CNNM2: variants seen among roughly 807,000 people sequenced by gnomAD.
CNNM2 encodes the protein cyclin and CBS domain divalent metal cation transport mediator 2, also known as metal transporter CNNM2.
CNNM2 carries 12 observed loss-of-function variants against 66.9 expected under a neutral mutation model. The ratio of observed to expected loss-of-function variants is 0.18; its 90% CI spans 0.11 to 0.29. The LOEUF is 0.29. CNNM2 is among the 10% of genes least tolerant of loss of function. CNNM2 has a pLI of 1.00. For synonymous variants in CNNM2, 557 were observed against 501.8 expected (o/e 1.11, Z -1.47); for missense variants, 705 against 1,167.7 (o/e 0.60, Z 5.77).
chr10:102,954,270 G>A (rs1476676414), intron 1 of CNNM2, among the ~76,000 whole-genome samples: 5 of 151,764 alleles, frequency 3.3e-5, no homozygotes, highest in African/African-American at 7.3e-5. Flanking sequence ...TGGGACCACA[G>A]GCACACAGCA....
At chr10:102,998,548 G>A (rs2064046689) in intron 1 of CNNM2, among the ~76,000 whole-genome samples, 2 of 152,144 alleles carry the variant, frequency 1.3e-5, no homozygotes, top group Admixed American at 1.3e-4. Context: ...AATTATCAAT[G>A]TGATTATAAT....
chr10:103,056,671 C>T (rs910828025), intron 3 of CNNM2, 124 bp from the exon 4 acceptor site: 8 of 899,230 alleles, frequency 8.9e-6, no homozygotes, highest in Admixed American at 4.2e-5. Context: ...ACGGAAGCCT[C>T]GTCCATTCAA....
At chr10:102,980,472 G>A (rs1213231940) in intron 1 of CNNM2, among the ~76,000 whole-genome samples, 2 of 151,866 alleles carry the variant, frequency 1.3e-5, no homozygotes, top group African/African-American at 2.4e-5. Flanking sequence ...GTCTCGCCAT[G>A]TTATCCAAGC....
At chr10:102,934,402 T>G (rs1277009946) in intron 1 of CNNM2, among the ~76,000 whole-genome samples, 6 of 150,972 alleles carry the variant, frequency 4.0e-5, no homozygotes, top group African/African-American at 1.5e-4. Flanking sequence ...TGCCTCAGCC[T>G]CCCAAGTAGC....
intron 1 of CNNM2, among the ~76,000 whole-genome samples, chr10:102,976,912 T>C (rs1590338407): frequency 6.6e-6 from 1 of 152,280 alleles, no homozygotes; most frequent in African/African-American, 2.4e-5. Flanking sequence ...TTTACCTTTC[T>C]TTCATTTATG....
At chr10:103,076,899 A>G in intron 7 of CNNM2, 72 bp from the exon 8 acceptor site, 1 of 1,359,078 alleles carries the variant, frequency 7.4e-7, no homozygotes, top group South Asian at 1.2e-5. Context: ...TCGGGATTGA[A>G]CGTGTGGAGA....
intron 1 of CNNM2, among the ~76,000 whole-genome samples, chr10:102,926,212 A>G (rs138952987): frequency 9.2e-5 from 14 of 152,348 alleles, no homozygotes; most frequent in East Asian, 5.8e-4. Flanking sequence ...AACAAATAAT[A>G]TAAGTGAAAT....
chr10:102,947,374 GT>G (rs984470868), intron 1 of CNNM2, among the ~76,000 whole-genome samples: 2 of 152,078 alleles, frequency 1.3e-5, no homozygotes, highest in Non-Finnish European at 1.5e-5. Context: ...GTCTTCTAGT[GT>G]TTTTCATTGT....
intron 1 of CNNM2, among the ~76,000 whole-genome samples, chr10:102,956,307 AAGT>A (rs1312770769): frequency 1.3e-5 from 2 of 151,416 alleles, no homozygotes; most frequent in Non-Finnish European, 2.9e-5. Flanking sequence ...AAAAAAAAAA[AAGT>A]CAGGAAACAA....
intron 1 of CNNM2, among the ~76,000 whole-genome samples, chr10:103,031,331 T>C (rs1441227196): frequency 6.6e-6 from 1 of 152,202 alleles, no homozygotes; most frequent in Admixed American, 6.5e-5. Flanking sequence ...ATTTTTGGGA[T>C]TCAGCTGTGG....
chr10:102,951,639 T>C (rs991766858), intron 1 of CNNM2, among the ~76,000 whole-genome samples: 3 of 151,274 alleles, frequency 2.0e-5, no homozygotes, highest in South Asian at 2.1e-4. Context: ...CTTTTTTTTT[T>C]CTTTTTTTTT....
At chr10:102,970,929 G>A (rs935927951) in intron 1 of CNNM2, among the ~76,000 whole-genome samples, 2 of 151,914 alleles carry the variant, frequency 1.3e-5, no homozygotes, top group Non-Finnish European at 2.9e-5. Context: ...GGTGGCTCAT[G>A]CCTATAATCC....
chr10:102,924,457 G>T (rs1354298787), intron 1 of CNNM2, among the ~76,000 whole-genome samples: 1 of 152,104 alleles, frequency 6.6e-6, no homozygotes, highest in Non-Finnish European at 1.5e-5. Context: ...AGATAATGTT[G>T]TTCTTCAAGG....
intron 1 of CNNM2, among the ~76,000 whole-genome samples, chr10:102,954,669 T>C (rs752763189): frequency 8.5e-5 from 13 of 152,150 alleles, no homozygotes; most frequent in Non-Finnish European, 1.6e-4. Flanking sequence ...TCCAGGAATT[T>C]ACAATCCAGG....
At position 102,925,296 on chromosome 10, in the gene CNNM2, C is replaced by CAAAAAAAA. The variant is rs10624810; in HGVS notation, c.1621+5218_1621+5225dup. 0.013 allele frequency among the ~76,000 whole-genome samples: 228 copies of CAAAAAAAA among 17,762 alleles called. 34 individuals are homozygous for CAAAAAAAA. Among genetic ancestry groups the CAAAAAAAA allele is most frequent in the East Asian group, 0.11 (62 of 552 alleles). The allele number at this position is 17,762 out of a possible 152,430, so 11.7% of individuals were successfully genotyped here. On this transcript the variant is annotated intron_variant, in intron 1 of 7. Transcript: ENST00000369878. ...GGGCAACAAGAGCGAAACTCCATCT[C>CAAAAAAAA]AAAAAAAAAAAAAAAAAAAAAAAAA...
intron 1 of CNNM2, among the ~76,000 whole-genome samples, chr10:103,044,358 C>G (rs1157464344): frequency 2.0e-5 from 3 of 152,014 alleles, no homozygotes; most frequent in Non-Finnish European, 4.4e-5. Flanking sequence ...GAGTTCCAGA[C>G]CAGCCTGAGC....
intron 1 of CNNM2, chr10:102,927,272 G>A: frequency 6.3e-7 from 1 of 1,599,398 alleles, no homozygotes; most frequent in African/African-American, 1.3e-5. Context: ...ACTCAAACAT[G>A]TGGAAGTGGA....
At chr10:103,046,309 C>T (rs2065126121) in intron 1 of CNNM2, among the ~76,000 whole-genome samples, 1 of 152,196 alleles carries the variant, frequency 6.6e-6, no homozygotes, top group Non-Finnish European at 1.5e-5. Flanking sequence ...TGGTCTCAAG[C>T]AATCCATCCC....
chr10:103,061,751 A>G (rs1339170875), intron 4 of CNNM2, among the ~76,000 whole-genome samples: 1 of 152,230 alleles, frequency 6.6e-6, no homozygotes, highest in Non-Finnish European at 1.5e-5. Flanking sequence ...GCAGATAGCA[A>G]CACACACCCA....
Sources: allele counts gnomAD v4.1 joint callset (sites outside exome capture counted in the v4.1 genomes callset), GRCh38; gene constraint gnomAD v4.1.1; transcripts MANE v1.5; gene names NCBI Gene and HGNC (gene_info 2026-07-23, HGNC 2026-07-21).